Variants in DMD observed in about 807,000 individuals in gnomAD.
DMD encodes dystrophin, also known as mutant dystrophin.
In DMD, 63 loss-of-function variants were observed where a neutral mutation model predicts 330.1. That is an observed-to-expected ratio of 0.19 (90% CI 0.16 to 0.24). The LOEUF is 0.24. DMD is among the 10% of genes least tolerant of loss of function. The pLI is 1.00. For synonymous variants in DMD, 1,223 were observed against 959.8 expected, an observed-to-expected ratio of 1.27 and a Z score of -5.07; for missense variants, 3,344 against 2,684.1, an observed-to-expected ratio of 1.25 and a Z score of -5.43.
At chrX:31,161,075 A>G (rs756851555) in intron 74 of DMD, among the ~76,000 whole-genome samples, 1 of 111,707 alleles carries the variant, frequency 9.0e-6, no homozygotes, top group South Asian at 3.8e-4. Context: ...TAAGGATTAA[A>G]TAGGAGTTCA....
intron 69 of DMD, 100 bp from the exon 70 acceptor site, chrX:31,178,905 A>C: frequency 1.9e-6 from 2 of 1,032,394 alleles, no homozygotes; most frequent in East Asian, 3.1e-5. Context: ...TTTGTAATTA[A>C]GGAGAGTGTT....
intron 76 of DMD, 30 bp from the exon 77 acceptor site, chrX:31,134,224 A>G: frequency 8.9e-7 from 1 of 1,123,309 alleles, no homozygotes; most frequent in Non-Finnish European, 1.2e-6. Context: ...AATAATGGAA[A>G]ATTACATTTA....
At chrX:31,900,437 C>T (rs1452635013) in intron 47 of DMD, among the ~76,000 whole-genome samples, 1 of 111,248 alleles carries the variant, frequency 9.0e-6, no homozygotes. Context: ...TTGACTGCTG[C>T]CCATCCACGT....
chrX:32,750,963 G>C (rs1457144714), intron 7 of DMD, among the ~76,000 whole-genome samples: 1 of 111,943 alleles, frequency 8.9e-6, no homozygotes, highest in Admixed American at 9.5e-5. Flanking sequence ...TGCCATCCAT[G>C]TAAGACGTGA....
At chrX:32,144,275 T>G (rs2096768204) in intron 44 of DMD, among the ~76,000 whole-genome samples, 1 of 111,743 alleles carries the variant, frequency 8.9e-6, no homozygotes, top group Admixed American at 9.5e-5. Context: ...GTAGAAAAAT[T>G]TAAACTATTA....
chrX:32,090,215 C>A (rs1414314427), intron 44 of DMD, among the ~76,000 whole-genome samples: 1 of 111,929 alleles, frequency 8.9e-6, no homozygotes, highest in Non-Finnish European at 1.9e-5. Context: ...TTTACCAGAA[C>A]AAATCAACAG....
At position 32,334,905 on chromosome X, in the gene DMD, T is replaced by C. The variant is rs1053999761; in HGVS notation, c.5922+7195A>G. On this transcript the variant is annotated intron_variant, in intron 41 of 78. Coordinates refer to ENST00000357033, the MANE Select transcript of DMD (RefSeq NM_004006.3). Reference sequence around the variant, plus strand: ...AAATTGTTTAAACACTGAAACTTTTTTCCTTTTTTATTAATAACTCCCACC... The same window carrying C: ...AAATTGTTTAAACACTGAAACTTTTCTCCTTTTTTATTAATAACTCCCACC... Among the ~76,000 whole-genome samples, 3 of 111,532 alleles carry C rather than the reference T, an allele frequency of 2.7e-5. No individual in the cohort carries two copies. The East Asian group carries it at 8.4e-4, about 31-fold the overall frequency.
chrX:31,940,682 CTT>C (rs112016307), intron 45 of DMD, among the ~76,000 whole-genome samples: 3 of 99,578 alleles, frequency 3.0e-5, no homozygotes, highest in African/African-American at 3.6e-5. Context: ...GAGGTGTGGG[CTT>C]TTTTTTTTTT....
chrX:32,224,514 G>A (rs1161431200), intron 43 of DMD, among the ~76,000 whole-genome samples: 1 of 111,510 alleles, frequency 9.0e-6, no homozygotes, highest in Non-Finnish European at 1.9e-5. Context: ...GCAGTGAAAA[G>A]CATCTGTCCC....
intron 1 of DMD, among the ~76,000 whole-genome samples, chrX:33,068,235 G>T (rs2094694074): frequency 9.0e-6 from 1 of 111,712 alleles, no homozygotes; most frequent in Non-Finnish European, 1.9e-5. Flanking sequence ...GCATTCTAGG[G>T]GATTCTGCTG....
chrX:32,530,561 T>A (rs1288395498), intron 17 of DMD, among the ~76,000 whole-genome samples: 3 of 112,164 alleles, frequency 2.7e-5, no homozygotes, highest in Non-Finnish European at 3.8e-5. Flanking sequence ...TTAAATATCT[T>A]TGAGAGAAAC....
chrX:31,870,807 A>G (rs1422742633), intron 48 of DMD, among the ~76,000 whole-genome samples: 1 of 111,734 alleles, frequency 8.9e-6, no homozygotes, highest in Non-Finnish European at 1.9e-5. Flanking sequence ...TATAAACCAC[A>G]GAAGGAAAGT....
chrX:31,521,695 G>T (rs2072778920), intron 55 of DMD, among the ~76,000 whole-genome samples: 1 of 112,038 alleles, frequency 8.9e-6, no homozygotes, highest in South Asian at 3.8e-4. Context: ...CTGTTGAAAT[G>T]TTGTAAATCT....
chrX:31,289,392 G>A (rs12007955), intron 62 of DMD, among the ~76,000 whole-genome samples: 97 of 108,908 alleles, frequency 8.9e-4, no homozygotes, highest in African/African-American at 3.0e-3. Context: ...TGTTCTGTTC[G>A]TTGTAAATGG....
At chrX:32,138,357 A>G (rs1479073176) in intron 44 of DMD, among the ~76,000 whole-genome samples, 1 of 111,294 alleles carries the variant, frequency 9.0e-6, no homozygotes, top group Non-Finnish European at 1.9e-5. Context: ...ACTTAACCCT[A>G]TATTCAAGCC....
intron 2 of DMD, among the ~76,000 whole-genome samples, chrX:32,883,553 G>A (rs185154230): frequency 5.0e-4 from 55 of 110,526 alleles, no homozygotes; most frequent in African/African-American, 1.0e-3. Flanking sequence ...GGCCAGGCGC[G>A]GTGGCTCACG....
At chrX:31,436,428 G>A (rs1449014090) in intron 60 of DMD, among the ~76,000 whole-genome samples, 2 of 108,374 alleles carry the variant, frequency 1.8e-5, no homozygotes, top group Non-Finnish European at 3.8e-5. Context: ...TCTGTACATC[G>A]TTCATTTATC....
intron 1 of DMD, among the ~76,000 whole-genome samples, chrX:33,119,203 T>C (rs920787924): frequency 8.9e-6 from 1 of 112,482 alleles, no homozygotes; most frequent in African/African-American, 3.2e-5. Context: ...ACATGACATA[T>C]GTCAAAAATA....
intron 44 of DMD, among the ~76,000 whole-genome samples, chrX:32,156,256 T>C (rs190561483): frequency 1.8e-5 from 2 of 111,592 alleles, no homozygotes; most frequent in African/African-American, 6.5e-5. Context: ...GACGCACACC[T>C]GTAATCTCAG....
Sources: allele counts gnomAD v4.1 joint callset (sites outside exome capture counted in the v4.1 genomes callset), GRCh38; gene constraint gnomAD v4.1.1; transcripts MANE v1.5; gene names NCBI Gene and HGNC (gene_info 2026-07-23, HGNC 2026-07-21).